DMD: variants seen among roughly 807,000 people sequenced by gnomAD.
The protein encoded by DMD is mutant dystrophin.
DMD carries 63 observed loss-of-function variants against 330.1 expected under a neutral mutation model. That is an observed-to-expected ratio of 0.19 (90% CI 0.16 to 0.24). The LOEUF (loss-of-function observed/expected upper bound fraction) is 0.24. DMD is among the 10% of genes least tolerant of loss of function. DMD has a pLI of 1.00. For missense variants in DMD, 3,344 were observed against 2,684.1 expected (o/e 1.25, Z -5.43); for synonymous variants, 1,223 against 959.8 (o/e 1.27, Z -5.07).
At chrX:32,669,944 C>T (rs1386997115) in intron 9 of DMD, among the ~76,000 whole-genome samples, 1 of 111,484 alleles carries the variant, frequency 9.0e-6, no homozygotes, top group African/African-American at 3.3e-5. Flanking sequence ...ATGCCCTACA[C>T]ACGAAACGAA....
intron 2 of DMD, among the ~76,000 whole-genome samples, chrX:32,892,709 T>C (rs2085332313): frequency 8.9e-6 from 1 of 111,944 alleles, no homozygotes; most frequent in Non-Finnish European, 1.9e-5. Flanking sequence ...CCCCCTTTCT[T>C]TCATAACATT....
intron 11 of DMD, among the ~76,000 whole-genome samples, chrX:32,636,152 T>G (rs2146684204): frequency 8.9e-6 from 1 of 112,215 alleles, no homozygotes; most frequent in East Asian, 2.8e-4. Flanking sequence ...CCCCTAAAAC[T>G]AATGTGTTCA....
chrX:32,559,394 A>G (rs1453284754), intron 16 of DMD, among the ~76,000 whole-genome samples: 1 of 112,187 alleles, frequency 8.9e-6, no homozygotes, highest in Admixed American at 9.5e-5. Flanking sequence ...TCCAGATTTT[A>G]AAAAATTATT....
At chrX:32,537,160 G>A (rs775238332) in intron 17 of DMD, among the ~76,000 whole-genome samples, 35 of 111,444 alleles carry the variant, frequency 3.1e-4, no homozygotes, top group Admixed American at 1.2e-3. Flanking sequence ...ACTATGATGT[G>A]AATGACCCTC....
chrX:31,348,871 T>C (rs2058241912), intron 60 of DMD, among the ~76,000 whole-genome samples: 1 of 111,976 alleles, frequency 8.9e-6, no homozygotes, highest in African/African-American at 3.2e-5. Context: ...AATGAGATTT[T>C]GGTTTTTTTT....
chrX:31,677,259 C>A (rs1035355573), intron 53 of DMD, among the ~76,000 whole-genome samples: 2 of 110,921 alleles, frequency 1.8e-5, no homozygotes, highest in Non-Finnish European at 3.8e-5. Context: ...GCAATTAAAC[C>A]CTAACCATTC....
chrX:32,749,363 A>G (rs184385351), intron 7 of DMD, among the ~76,000 whole-genome samples: 25 of 112,192 alleles, frequency 2.2e-4, no homozygotes, highest in African/African-American at 6.2e-4. Flanking sequence ...GTATGCAATG[A>G]TAAGATCACC....
chrX:32,744,323 T>G (rs1346856878), intron 7 of DMD, among the ~76,000 whole-genome samples: 1 of 110,919 alleles, frequency 9.0e-6, no homozygotes, highest in Non-Finnish European at 1.9e-5. Flanking sequence ...TAGTACTTAA[T>G]TATTCCTCTC....
chrX:31,467,787 T>C (rs991521534), intron 59 of DMD, among the ~76,000 whole-genome samples: 4 of 111,709 alleles, frequency 3.6e-5, no homozygotes, highest in African/African-American at 9.8e-5. Flanking sequence ...TGTGAATCCA[T>C]CTGTTCCTGG....
At chrX:31,957,911 G>A (rs1483189589) in intron 45 of DMD, among the ~76,000 whole-genome samples, 1 of 110,932 alleles carries the variant, frequency 9.0e-6, no homozygotes, top group East Asian at 2.8e-4. Flanking sequence ...AACAAAGGTA[G>A]GACACTCACC....
intron 47 of DMD, among the ~76,000 whole-genome samples, chrX:31,901,673 T>C (rs893098243): frequency 8.9e-6 from 1 of 112,001 alleles, no homozygotes; most frequent in African/African-American, 3.2e-5. Context: ...TTTATTATTT[T>C]GTAGTCTATA....
At chrX:33,065,340 T>C (rs2094637667) in intron 1 of DMD, among the ~76,000 whole-genome samples, 1 of 112,688 alleles carries the variant, frequency 8.9e-6, no homozygotes, top group Admixed American at 9.4e-5. Context: ...TTCAAATGTT[T>C]GATATGTTAA....
At position 32,217,673 on chromosome X, in the gene DMD, TTGAGGCTATG is replaced by T. The variant is rs1464931990; in HGVS notation, c.6291-620_6291-611del. Among the ~76,000 whole-genome samples the T allele has an allele frequency of 3.3e-3, 360 of 110,754 alleles. 3 individuals are homozygous for T. Among genetic ancestry groups the T allele is most frequent in the African/African-American group, 0.012 (351 of 30,132 alleles). The stretch of plus-strand genomic sequence containing the variant: ...CTCACCACAGAGAAATTATAAATGT[TTGAGGCTATG>T]GATCTGCCAAGAAACCTGATTTGAT... On this transcript the variant is annotated intron_variant, in intron 43 of 78. Coordinates refer to ENST00000357033, the MANE Select transcript of DMD (RefSeq NM_004006.3).
chrX:32,640,570 T>C (rs12013850), intron 11 of DMD, among the ~76,000 whole-genome samples: 9,943 of 110,391 alleles, frequency 0.09, 1,095 homozygotes, highest in African/African-American at 0.31. Flanking sequence ...TGGGCACAAA[T>C]TGAAGCAGTC....
rs184791659 is a variant in DMD, at chrX:32,861,578, A to T, written c.94-11758T>A. 4.8e-3 allele frequency among the ~76,000 whole-genome samples: 533 copies of T among 111,681 alleles called. 9 individuals carry two copies. The highest frequency in any genetic ancestry group is 0.045 in the Admixed American group (472 of 10,506). ...GAACTAGTAATAGAGAAGTGTCACT[A>T]CTACTCTTAGACTCCTAAGAATGAA... On this transcript the variant is annotated intron_variant, in intron 2 of 78. Coordinates refer to ENST00000357033, the MANE Select transcript of DMD (RefSeq NM_004006.3).
intron 43 of DMD, among the ~76,000 whole-genome samples, chrX:32,268,269 C>T (rs930727300): frequency 9.0e-6 from 1 of 111,543 alleles, no homozygotes; most frequent in Admixed American, 9.5e-5. Flanking sequence ...ATGTCTTAGC[C>T]TAAAGTCTAT....
chrX:32,596,686 C>T (rs1229502532), intron 12 of DMD, among the ~76,000 whole-genome samples: 1 of 110,428 alleles, frequency 9.1e-6, no homozygotes, highest in Non-Finnish European at 1.9e-5. Flanking sequence ...GCTGAGATTA[C>T]AGGTGCACAC....
chrX:32,884,620 T>C (rs2084345661), intron 2 of DMD, among the ~76,000 whole-genome samples: 3 of 112,062 alleles, frequency 2.7e-5, no homozygotes, highest in Non-Finnish European at 5.6e-5. Context: ...TGTGCTACAG[T>C]AACTTGCTCA....
rs193057055 is a variant in DMD at position 31,281,409 on chromosome X, T to C, written c.9225-20393A>G. ...AAATGAAAATGAGGTGCATGTGACA[T>C]GGCAGATTTTGAGAGTATCACGCTG... On this transcript the variant is annotated intron_variant, in intron 62 of 78. Coordinates refer to ENST00000357033, the MANE Select transcript of DMD (RefSeq NM_004006.3). Among the ~76,000 whole-genome samples, 320 of 111,659 alleles carry C rather than the reference T, an allele frequency of 2.9e-3. 3 individuals are homozygous for C. Among genetic ancestry groups the C allele is most frequent in the African/African-American group, 9.2e-3 (284 of 30,797 alleles).
Sources: gnomAD v4.1 joint callset for allele counts (sites outside exome capture counted in the v4.1 genomes callset) on GRCh38, gnomAD v4.1.1 for gene constraint, MANE v1.5 for transcripts, NCBI Gene and HGNC (gene_info 2026-07-23, HGNC 2026-07-21) for gene names.